PLCL1: variants seen among roughly 807,000 people sequenced by gnomAD.
PLCL1 encodes the protein phospholipase C like 1 (inactive), also known as inactive phospholipase C-like protein 1.
In PLCL1, 41 loss-of-function variants were observed where a neutral mutation model predicts 84.4. That is an observed-to-expected ratio of 0.49 (90% confidence interval 0.38 to 0.63). PLCL1 has a LOEUF of 0.63. Ranked by LOEUF, PLCL1 falls within the 30% of genes least tolerant of loss-of-function variation. The pLI is 0.00. For missense variants in PLCL1, 1,206 were observed against 1,367.8 expected, an observed-to-expected ratio of 0.88 and a Z score of 1.87; for synonymous variants, 490 against 488.3, an observed-to-expected ratio of 1.00 and a Z score of -0.05.
chr2:197,883,221 GA>G (rs1006758557), intron 1 of PLCL1, among the ~76,000 whole-genome samples: 4 of 152,162 alleles, frequency 2.6e-5, no homozygotes, highest in African/African-American at 9.6e-5. Context: ...AAAGTAAAAG[GA>G]AAAAATCCTT....
intron 1 of PLCL1, among the ~76,000 whole-genome samples, chr2:198,060,143 A>T (rs1243456295): frequency 6.6e-6 from 1 of 152,200 alleles, no homozygotes; most frequent in Non-Finnish European, 1.5e-5. Context: ...CTTTTTCATT[A>T]AAAATGAAGA....
chr2:197,998,365 T>A (rs1008725748), intron 1 of PLCL1, among the ~76,000 whole-genome samples: 6 of 152,258 alleles, frequency 3.9e-5, no homozygotes, highest in African/African-American at 1.4e-4. Context: ...AGAATGATGC[T>A]TGGTTCCCTG....
rs952333046 is a variant in PLCL1 at position 198,085,221 on chromosome 2, G to A, written c.1704G>A (p.Met568Ile). 2 of 1,614,010 alleles carry A rather than the reference G, an allele frequency of 1.2e-6. No individual in the cohort carries two copies. Among genetic ancestry groups the A allele is most frequent in the Middle Eastern group, 1.7e-4 (1 of 6,058 alleles). The change falls in exon 2 of 6, where the codon ATG becomes ATA. Residue 568 changes from methionine (M) to isoleucine (I), a missense_variant. Coordinates refer to ENST00000428675, the MANE Select transcript of PLCL1 (RefSeq NM_006226.4). This position sits in a 1 kb window ranked among gnomAD's most constrained non-coding sequence, Gnocchi z 5.3. ...AAGAAGCTGAAATGTCTCGAAGGAT[G>A]TCGGTAGATTACAATGGTGAGCAGA... The part of the protein sequence containing the change: ...EDEEAEMSRR[M>I]SVDYNGEQKQ...
At chr2:197,994,848 T>C (rs922680700) in intron 1 of PLCL1, among the ~76,000 whole-genome samples, 3 of 152,192 alleles carry the variant, frequency 2.0e-5, no homozygotes, top group Admixed American at 2.0e-4. Flanking sequence ...TTTTCTTTCT[T>C]ATGTATGTGA....
intron 1 of PLCL1, among the ~76,000 whole-genome samples, chr2:197,909,201 G>C (rs1178087211): frequency 6.6e-6 from 1 of 152,168 alleles, no homozygotes; most frequent in Non-Finnish European, 1.5e-5. Context: ...CAGAGGATTG[G>C]AAGTCTCCTT....
intron 1 of PLCL1, among the ~76,000 whole-genome samples, chr2:198,021,982 T>C (rs996530507): frequency 3.9e-5 from 6 of 152,200 alleles, no homozygotes; most frequent in African/African-American, 1.2e-4. Context: ...GTGAAAATCC[T>C]CAATAAAATA....
intron 1 of PLCL1, among the ~76,000 whole-genome samples, chr2:197,937,252 A>G (rs560338928): frequency 1.3e-3 from 196 of 152,168 alleles, no homozygotes; most frequent in African/African-American, 4.6e-3. Flanking sequence ...TGTTTTTGCT[A>G]TTTGGGGTCC....
intron 1 of PLCL1, among the ~76,000 whole-genome samples, chr2:197,990,609 A>T (rs1028235922): frequency 6.6e-6 from 1 of 152,192 alleles, no homozygotes; most frequent in African/African-American, 2.4e-5. Context: ...GTCAGCTCTC[A>T]TGAGACTTAT....
At chr2:197,816,575 T>C (rs964290256) in intron 1 of PLCL1, among the ~76,000 whole-genome samples, 1 of 152,160 alleles carries the variant, frequency 6.6e-6, no homozygotes, top group Non-Finnish European at 1.5e-5. Flanking sequence ...GGTCCAACTT[T>C]GGTATAAATT....
chr2:197,815,305 G>A (rs538002158), intron 1 of PLCL1, among the ~76,000 whole-genome samples: 2 of 152,222 alleles, frequency 1.3e-5, no homozygotes, highest in South Asian at 4.1e-4. Flanking sequence ...GAACAACAAA[G>A]CCTGGATGAC....
intron 1 of PLCL1, among the ~76,000 whole-genome samples, chr2:197,851,219 T>A (rs1687230091): frequency 6.6e-6 from 1 of 152,246 alleles, no homozygotes; most frequent in Non-Finnish European, 1.5e-5. Flanking sequence ...GGAAAAACTT[T>A]TTTCCTCCCT....
intron 1 of PLCL1, among the ~76,000 whole-genome samples, chr2:197,973,969 T>C (rs1310964819): frequency 6.6e-6 from 1 of 152,154 alleles, no homozygotes; most frequent in East Asian, 1.9e-4. Flanking sequence ...GATGTGATGG[T>C]GACTCAGACA....
chr2:198,007,333 AC>A, intron 1 of PLCL1, among the ~76,000 whole-genome samples: 1 of 150,274 alleles, frequency 6.7e-6, no homozygotes, highest in Non-Finnish European at 1.5e-5. Flanking sequence ...TAACCACCCC[AC>A]CCCCCTCTTG....
rs3056105 is a variant in PLCL1, at chr2:197,903,468, A to ATTTTTTTTTTTTTTTTTTTTTT, written c.240+98141_240+98162dup. 1.5e-4 allele frequency among the ~76,000 whole-genome samples: 7 copies of ATTTTTTTTTTTTTTTTTTTTTT among 47,794 alleles called. 1 individual carries two copies. Among genetic ancestry groups the ATTTTTTTTTTTTTTTTTTTTTT allele is most frequent in the African/African-American group, 2.7e-4 (3 of 11,126 alleles). The allele number at this position is 47,794 out of a possible 152,430, so 31.4% of individuals were successfully genotyped here. A position where few individuals can be genotyped will look rare whatever the true frequency, so the allele number is the denominator to read the frequency against. On this transcript the variant is annotated intron_variant, in intron 1 of 5. Coordinates refer to ENST00000428675, the MANE Select transcript of PLCL1 (RefSeq NM_006226.4). ...GTATCTTCCTTTTTACTCCATTTAA[A>ATTTTTTTTTTTTTTTTTTTTTT]TTTTTTTTTTTTTTTTTTTTTTTTT...
intron 5 of PLCL1, among the ~76,000 whole-genome samples, chr2:198,130,962 C>T (rs1223525854): frequency 6.6e-6 from 1 of 152,164 alleles, no homozygotes; most frequent in Non-Finnish European, 1.5e-5. Context: ...TCCAGGGCTT[C>T]CCACAGCTCC....
chr2:197,915,300 T>G (rs1378846554), intron 1 of PLCL1, among the ~76,000 whole-genome samples: 1 of 152,148 alleles, frequency 6.6e-6, no homozygotes, highest in African/African-American at 2.4e-5. Context: ...CAATACCACA[T>G]AAAGTAGCAG....
chr2:197,943,190 C>G (rs1195888622), intron 1 of PLCL1, among the ~76,000 whole-genome samples: 11 of 114,446 alleles, frequency 9.6e-5, no homozygotes, highest in Non-Finnish European at 1.9e-4. Context: ...GAGTGAGACC[C>G]TCTCTCAAAA....
chr2:198,105,373 A>C (rs1186283562), intron 5 of PLCL1, among the ~76,000 whole-genome samples: 3 of 151,956 alleles, frequency 2.0e-5, no homozygotes, highest in Non-Finnish European at 2.9e-5. Flanking sequence ...CCATTGGTCT[A>C]TATGTCTGTT....
intron 1 of PLCL1, among the ~76,000 whole-genome samples, chr2:197,893,377 TTTG>T (rs1164196552): frequency 1.3e-5 from 2 of 152,218 alleles, no homozygotes; most frequent in Non-Finnish European, 2.9e-5. Flanking sequence ...CCATAGTATA[TTTG>T]TTGTCAGATT....
Sources: gnomAD v4.1 joint callset for allele counts (sites outside exome capture counted in the v4.1 genomes callset) on GRCh38, gnomAD v4.1.1 for gene constraint, Gnocchi (gnomAD v3.1) non-coding constraint, MANE v1.5 for transcripts, NCBI Gene and HGNC (gene_info 2026-07-23, HGNC 2026-07-21) for gene names.